Variants in WNT3 observed in about 807,000 individuals in gnomAD.
WNT3 encodes Wnt family member 3.
WNT3 carries 7 observed loss-of-function variants against 34.2 expected under a neutral mutation model. The observed-to-expected ratio is 0.20, with a 90% CI of 0.12 to 0.38. WNT3 has a LOEUF of 0.38. Ranked by LOEUF, WNT3 falls within the 10% of genes least tolerant of loss-of-function variation. The pLI, the probability that WNT3 is intolerant of heterozygous loss-of-function variation, is 1.00. For missense variants in WNT3, 267 were observed against 499.8 expected, an observed-to-expected ratio of 0.53 and a Z score of 4.44; for synonymous variants, 212 against 211.5, an observed-to-expected ratio of 1.00 and a Z score of -0.02.
intron 1 of WNT3, among the ~76,000 whole-genome samples, chr17:46,817,726 C>T (rs1568101405): frequency 6.6e-6 from 1 of 152,096 alleles, no homozygotes; most frequent in Non-Finnish European, 1.5e-5. Flanking sequence ...TCCCTTCCCT[C>T]TCCCTTTCTC....
At chr17:46,766,343 G>T (rs909533023) in intron 4 of WNT3, among the ~76,000 whole-genome samples, 1 of 152,000 alleles carries the variant, frequency 6.6e-6, no homozygotes, top group Admixed American at 6.6e-5. Context: ...AGGTGGCGGA[G>T]GTTACAGTGA....
At chr17:46,773,979 C>T (rs1330197993) in intron 1 of WNT3, 70 bp from the exon 2 acceptor site, 36 of 1,564,066 alleles carry the variant, frequency 2.3e-5, no homozygotes, top group Non-Finnish European at 2.9e-5. Flanking sequence ...ACCATGGCCG[C>T]TTTGTGAACC....
intron 1 of WNT3, among the ~76,000 whole-genome samples, chr17:46,807,094 C>T (rs1424045968): frequency 6.6e-6 from 1 of 152,162 alleles, no homozygotes; most frequent in Non-Finnish European, 1.5e-5. Flanking sequence ...GAACCAACCT[C>T]AGCTTTAGAG....
intron 2 of WNT3, among the ~76,000 whole-genome samples, chr17:46,771,402 G>C (rs1186925586): frequency 6.6e-6 from 1 of 151,446 alleles, no homozygotes; most frequent in African/African-American, 2.4e-5. Flanking sequence ...TCACAGGGCG[G>C]GCGCCCCTCG....
rs749719578 is a variant in WNT3 at position 46,779,103 on chromosome 17, A to ACACACAC, written c.81-5195_81-5194insGTGTGTG. ...CACACACACACACACACACACACAC[A>ACACACAC]CCCCAGCCCACTCGGCCTTCCAAAG... On this transcript the variant is annotated intron_variant, in intron 1 of 4. Transcript: ENST00000225512. Among the ~76,000 whole-genome samples, 387 of 133,614 alleles carry ACACACAC rather than the reference A, an allele frequency of 2.9e-3. 9 individuals carry two copies. Among genetic ancestry groups the ACACACAC allele is most frequent in the African/African-American group, 0.01 (365 of 36,344 alleles). 87.7% of individuals were successfully genotyped at this position (133,614 alleles called of 152,430 possible).
intron 1 of WNT3, among the ~76,000 whole-genome samples, chr17:46,775,353 G>A (rs2059404631): frequency 6.6e-6 from 1 of 152,156 alleles, no homozygotes. Context: ...GCTTGATGTT[G>A]GCCTTGGCCA....
chr17:46,769,219 G>A (rs1480627786), intron 3 of WNT3, among the ~76,000 whole-genome samples: 5 of 151,538 alleles, frequency 3.3e-5, no homozygotes, highest in Non-Finnish European at 7.4e-5. Flanking sequence ...GGGAGGTTGA[G>A]GCCGGAGAAT....
rs552517401 is a variant in WNT3 at position 46,784,915 on chromosome 17, A to C, written c.81-11006T>G. Among the ~76,000 whole-genome samples the C allele has an allele frequency of 2.6e-5, 4 of 151,858 alleles. No homozygotes were observed. The East Asian group carries it at 7.8e-4, about 30-fold the overall frequency. On this transcript the variant is annotated intron_variant, in intron 1 of 4. Transcript: ENST00000225512. ...CTCAGCCTCCCGAGTAGCTGGGACT[A>C]CAGGCACCCGCCACCATGCCCGGCT...
intron 1 of WNT3, among the ~76,000 whole-genome samples, chr17:46,794,140 GT>G (rs2146429741): frequency 6.6e-6 from 1 of 152,188 alleles, no homozygotes; most frequent in Non-Finnish European, 1.5e-5. Context: ...GGGAGAGCAA[GT>G]GAAGGAGGAC....
At chr17:46,817,564 A>G (rs955864885) in intron 1 of WNT3, among the ~76,000 whole-genome samples, 10 of 152,136 alleles carry the variant, frequency 6.6e-5, no homozygotes, top group African/African-American at 2.2e-4. Flanking sequence ...TCGGAAAACA[A>G]GGGGACTCCT....
At chr17:46,767,486 A>G (rs189101724) in intron 4 of WNT3, among the ~76,000 whole-genome samples, 1 of 152,310 alleles carries the variant, frequency 6.6e-6, no homozygotes, top group East Asian at 1.9e-4. Context: ...CCTCAGGGGT[A>G]GAGGAGACAT....
Position 46,768,395 on chromosome 17 carries a change from G to A in WNT3, c.993C>T (p.His331=). ...TRTEKRKEKC[H]CIFHWCCYVS... is the part of the protein sequence containing the mutation. Reference sequence around the variant, plus strand: ...CGTAGCAGCACCAGTGGAAGATGCAGTGGCATTTTTCCTTCCGCTTCTCCG... The same window carrying A: ...CGTAGCAGCACCAGTGGAAGATGCAATGGCATTTTTCCTTCCGCTTCTCCG... Residue 331 remains histidine (H), a synonymous_variant, in exon 4 of 5, where the codon CAC becomes CAT. Transcript: ENST00000225512. This position sits in a 1 kb window ranked among gnomAD's most constrained non-coding sequence, Gnocchi z 5.0. The A allele has an allele frequency of 6.2e-7, 1 of 1,613,950 alleles. No homozygotes were observed. Among genetic ancestry groups the A allele is most frequent in the South Asian group, 1.1e-5 (1 of 91,092 alleles).
At chr17:46,792,565 C>T (rs1054079395) in intron 1 of WNT3, among the ~76,000 whole-genome samples, 1 of 152,150 alleles carries the variant, frequency 6.6e-6, no homozygotes, top group Non-Finnish European at 1.5e-5. Flanking sequence ...CCTCTGCCTC[C>T]CAGGTTCAAG....
chr17:46,768,234 C>T lies in WNT3; in HGVS notation c.*8+78G>A. ...TAGCTTAGAAACAGAAGGGGGTCGT[C>T]AAGAAGACGAGATGGGCAAACAACC... On this transcript the variant is annotated intron_variant, in intron 4 of 4. Coordinates refer to ENST00000225512, the MANE Select transcript of WNT3 (RefSeq NM_030753.5). The surrounding 1 kb of genome is among the most constrained non-coding windows in gnomAD (Gnocchi z 5.0). 1.3e-6 allele frequency: 2 copies of T among 1,594,856 alleles called. No homozygotes were observed. Among genetic ancestry groups the T allele is most frequent in the Non-Finnish European group, 1.7e-6 (2 of 1,172,708 alleles).
At chr17:46,770,361 A>T (rs1048910969) in intron 2 of WNT3, among the ~76,000 whole-genome samples, 2 of 152,188 alleles carry the variant, frequency 1.3e-5, no homozygotes, top group African/African-American at 4.8e-5. Flanking sequence ...GTTGCTGCAG[A>T]GATAAGGCAG....
chr17:46,810,881 G>A (rs1283390882), intron 1 of WNT3, among the ~76,000 whole-genome samples: 1 of 152,138 alleles, frequency 6.6e-6, no homozygotes, highest in African/African-American at 2.4e-5. Context: ...GGTCTCAGGT[G>A]CCCTAACTCC....
chr17:46,795,967 T>A (rs1288387953), intron 1 of WNT3, among the ~76,000 whole-genome samples: 1 of 152,062 alleles, frequency 6.6e-6, no homozygotes, highest in Non-Finnish European at 1.5e-5. Context: ...TTCCATTTTG[T>A]TGAGATGAAT....
intron 2 of WNT3, among the ~76,000 whole-genome samples, chr17:46,771,993 G>A (rs2059378360): frequency 6.6e-6 from 1 of 150,778 alleles, no homozygotes; most frequent in Non-Finnish European, 1.5e-5. Flanking sequence ...ACTCGCGGAA[G>A]ACGCGCGCCC....
intron 2 of WNT3, among the ~76,000 whole-genome samples, chr17:46,770,922 C>G (rs769454731): frequency 2.0e-5 from 3 of 152,270 alleles, no homozygotes; most frequent in Non-Finnish European, 4.4e-5. Flanking sequence ...GCCCAACCAT[C>G]TCTCTCCTCA....
Sources: allele counts gnomAD v4.1 joint callset (sites outside exome capture counted in the v4.1 genomes callset), GRCh38; gene constraint gnomAD v4.1.1; non-coding constraint Gnocchi (gnomAD v3.1); transcripts MANE v1.5; gene names NCBI Gene and HGNC (gene_info 2026-07-23, HGNC 2026-07-21).